FMN1: variants seen among roughly 807,000 people sequenced by gnomAD.
FMN1 encodes the protein formin-1.
In FMN1, 110 loss-of-function variants were observed where a neutral mutation model predicts 132.4. That is an observed-to-expected ratio of 0.83 (90% CI 0.71 to 0.97). The LOEUF is 0.97. Ranked by LOEUF, FMN1 falls within the 50% of genes least tolerant of loss-of-function variation. The pLI, the probability that FMN1 is intolerant of heterozygous loss-of-function variation, is 0.00. For synonymous variants in FMN1, 722 were observed against 651.7 expected (o/e 1.11, Z -1.64); for missense variants, 1,792 against 1,705.3 (o/e 1.05, Z -0.90).
At chr15:32,930,714 T>C in intron 9 of FMN1, among the ~76,000 whole-genome samples, 1 of 151,188 alleles carries the variant, frequency 6.6e-6, no homozygotes, top group Non-Finnish European at 1.5e-5. Flanking sequence ...TTATTTTTGC[T>C]TTTTTTGGGG....
In FMN1 at chr15:32,900,139, C is replaced by CTT; in HGVS notation, c.3508-15_3508-14insAA. ...GTGCAGCAAGTCCTGTGATGGCAAA[C>CTT]ACCAGTTATTACGGAGCTGAACTCC... On this transcript the variant is annotated splice_polypyrimidine_tract_variant and intron_variant, in intron 13 of 20. Coordinates refer to ENST00000616417, the MANE Select transcript of FMN1 (RefSeq NM_001277313.2). 1 of 1,613,376 alleles carries CTT rather than the reference C, an allele frequency of 6.2e-7. No homozygotes were observed. The highest frequency in any genetic ancestry group is 8.5e-7 in the Non-Finnish European group (1 of 1,179,802).
chr15:33,106,261 A>G (rs1271926070), intron 4 of FMN1: 6 of 141,980 alleles, frequency 4.2e-5, no homozygotes, highest in African/African-American at 1.6e-4. Flanking sequence ...TTTTGATTAC[A>G]GCTAACCAGA....
intron 17 of FMN1, among the ~76,000 whole-genome samples, chr15:32,805,957 T>G (rs1037761794): frequency 1.1e-4 from 16 of 152,258 alleles, no homozygotes; most frequent in Admixed American, 1.0e-3. Flanking sequence ...TCTATAGGAT[T>G]ATCAAGAGGT....
chr15:33,154,178 G>T lies in FMN1; in HGVS notation c.737C>A (p.Thr246Lys). 1 of 1,536,456 alleles carries T rather than the reference G, an allele frequency of 6.5e-7. No individual in the cohort carries two copies. Among genetic ancestry groups the T allele is most frequent in the Non-Finnish European group, 8.7e-7 (1 of 1,146,996 alleles). Reference protein sequence around the residue: ...CPPDIPKTPDTDLGFGSFETA... With the variant: ...CPPDIPKTPDKDLGFGSFETA... ...CTCAAAGCTCCCAAAGCCAAGGTCT[G>T]TGTCTGGCGTCTTGGGAATATCTGG... Residue 246 changes from threonine to lysine, a missense_variant, in exon 4 of 21, where the codon ACA (threonine) becomes AAA (lysine). By Grantham distance (78) the Thr-to-Lys change is moderately conservative. Coordinates refer to ENST00000616417, the MANE Select transcript of FMN1 (RefSeq NM_001277313.2).
chr15:33,094,615 T>C (rs911549360), intron 4 of FMN1, among the ~76,000 whole-genome samples: 1 of 152,222 alleles, frequency 6.6e-6, no homozygotes, highest in African/African-American at 2.4e-5. Context: ...CCTATGATAC[T>C]CCTTCCCAGA....
intron 6 of FMN1, among the ~76,000 whole-genome samples, chr15:33,045,136 G>A (rs2036618503): frequency 6.6e-6 from 1 of 152,224 alleles, no homozygotes; most frequent in Non-Finnish European, 1.5e-5. Flanking sequence ...ATTCCCTGAT[G>A]CCAGCCGTGG....
chr15:32,797,269 C>A (rs553129804), intron 19 of FMN1, among the ~76,000 whole-genome samples: 1 of 152,160 alleles, frequency 6.6e-6, no homozygotes, highest in South Asian at 2.1e-4. Flanking sequence ...TGTTTTAGAC[C>A]ATTTTTAGGG....
At chr15:32,876,038 T>A (rs550460640) in intron 16 of FMN1, among the ~76,000 whole-genome samples, 1 of 152,254 alleles carries the variant, frequency 6.6e-6, no homozygotes, top group African/African-American at 2.4e-5. Flanking sequence ...ATCACCATTA[T>A]AATTACAAGA....
chr15:33,049,861 C>T (rs975092662), intron 6 of FMN1, among the ~76,000 whole-genome samples: 1 of 152,170 alleles, frequency 6.6e-6, no homozygotes, highest in Non-Finnish European at 1.5e-5. Context: ...GTTGTTCCAC[C>T]ACATGGCTGC....
At chr15:33,023,229 C>T (rs1596492787) in intron 6 of FMN1, among the ~76,000 whole-genome samples, 1 of 147,388 alleles carries the variant, frequency 6.8e-6, no homozygotes, top group Non-Finnish European at 1.5e-5. Flanking sequence ...AACTGCAAAA[C>T]AAATAAGGGT....
At chr15:32,792,369 C>T (rs547271888) in intron 19 of FMN1, among the ~76,000 whole-genome samples, 77 of 151,814 alleles carry the variant, frequency 5.1e-4, no homozygotes, top group African/African-American at 1.7e-3. Flanking sequence ...GGCATGAACC[C>T]GGAAGGTGGA....
chr15:33,010,780 AAAAAG>A (rs1304681923), intron 6 of FMN1, among the ~76,000 whole-genome samples: 2 of 152,144 alleles, frequency 1.3e-5, no homozygotes, highest in African/African-American at 2.4e-5. Context: ...TAGCAGTTTA[AAAAAG>A]AAAAGCATAA....
intron 15 of FMN1, among the ~76,000 whole-genome samples, chr15:32,897,511 G>A (rs2060189018): frequency 1.3e-5 from 2 of 152,300 alleles, no homozygotes; most frequent in South Asian, 2.1e-4. Flanking sequence ...AACATCAGAA[G>A]TAAAAACACA....
At chr15:32,948,994 C>A (rs531946121) in intron 9 of FMN1, among the ~76,000 whole-genome samples, 7 of 151,868 alleles carry the variant, frequency 4.6e-5, no homozygotes, top group Non-Finnish European at 1.0e-4. Flanking sequence ...TGATTTAAGG[C>A]ACTTAACTGA....
chr15:33,076,556 G>A (rs534260226), intron 5 of FMN1, among the ~76,000 whole-genome samples: 2 of 152,174 alleles, frequency 1.3e-5, no homozygotes, highest in African/African-American at 4.8e-5. Flanking sequence ...GATGGGAGGA[G>A]CATGCATGCT....
chr15:33,070,329 T>G (rs2037946999), intron 5 of FMN1, among the ~76,000 whole-genome samples: 1 of 150,918 alleles, frequency 6.6e-6, no homozygotes. Context: ...TTACGAGCAA[T>G]GCAGATCATC....
intron 3 of FMN1, among the ~76,000 whole-genome samples, chr15:33,167,488 A>C (rs541756327): frequency 1.3e-5 from 2 of 152,294 alleles, no homozygotes; most frequent in East Asian, 3.9e-4. Context: ...ACATTTCATG[A>C]GGTCTTAACC....
intron 2 of FMN1, among the ~76,000 whole-genome samples, chr15:33,185,624 G>A (rs1965858127): frequency 7.4e-6 from 1 of 135,242 alleles, no homozygotes; most frequent in Non-Finnish European, 1.5e-5. Flanking sequence ...CCAGGCTGGA[G>A]TGCAGTGGCA....
chr15:33,019,908 C>T (rs1486840540), intron 6 of FMN1, among the ~76,000 whole-genome samples: 2 of 152,218 alleles, frequency 1.3e-5, no homozygotes, highest in African/African-American at 4.8e-5. Flanking sequence ...TCAGCCAGCC[C>T]AGAGAAGGGC....
Sources: allele counts gnomAD v4.1 joint callset (sites outside exome capture counted in the v4.1 genomes callset), GRCh38; gene constraint gnomAD v4.1.1; transcripts MANE v1.5; gene names NCBI Gene and HGNC (gene_info 2026-07-23, HGNC 2026-07-21).